The following OR2F1 variants were observed in gnomAD, a reference collection of about 807,000 sequenced individuals.
The protein encoded by OR2F1 is olfactory receptor family 2 subfamily F member 1, also known as olfactory receptor 2F1.
For missense variants in OR2F1, 389 were observed against 378.2 expected, an observed-to-expected ratio of 1.03 and a Z score of -0.24; for synonymous variants, 146 against 155.3, an observed-to-expected ratio of 0.94 and a Z score of 0.44.
Position 143,962,087 on chromosome 7 carries a change from T to C in OR2F1, c.*1163T>C, listed in dbSNP as rs1227606507. The C allele has an allele frequency of 1.3e-5, 2 of 151,872 alleles. No individual in the cohort carries two copies. The highest frequency in any genetic ancestry group is 2.9e-5 in the Non-Finnish European group (2 of 68,034). The allele number at this position is 151,872 out of a possible 1,614,324, so 9.4% of individuals were successfully genotyped here. On this transcript the variant is annotated 3_prime_UTR_variant, in exon 3 of 3. Coordinates refer to ENST00000641412, the MANE Select transcript of OR2F1 (RefSeq NM_012369.3). ...AAAAGTGGAAAGAAAAGAAAGAATA[T>C]GATCATAGCTGCTCTTCCTACTCCC...
At chr7:143,957,132 T>C (rs2050291651) in intron 1 of OR2F1, among the ~76,000 whole-genome samples, 1 of 152,130 alleles carries the variant, frequency 6.6e-6, no homozygotes, top group Admixed American at 6.5e-5. Flanking sequence ...ATAGAGTTGA[T>C]AGTAATTATT....
intron 1 of OR2F1, 105 bp downstream of exon 1, chr7:143,955,208 C>T (rs1421115398): frequency 2.6e-5 from 4 of 152,024 alleles, no homozygotes; most frequent in African/African-American, 9.7e-5. Flanking sequence ...TGATGTGATG[C>T]ATATATTAAT....
rs2050340862 is a variant in OR2F1, at chr7:143,962,920, G to T, written c.*1996G>T. ...AGGCAAGATGACCAGCCTGTCTGCTGGGTCTGCTTCAGTAATACTCTTGAG... is the reference window on the plus strand; with the variant it reads ...AGGCAAGATGACCAGCCTGTCTGCTTGGTCTGCTTCAGTAATACTCTTGAG... On this transcript the variant is annotated 3_prime_UTR_variant, in exon 3 of 3. Transcript: ENST00000641412. The T allele has an allele frequency of 6.6e-6, 1 of 152,202 alleles. No homozygotes were observed. The highest frequency in any genetic ancestry group is 1.5e-5 in the Non-Finnish European group (1 of 68,038). The allele number at this position is 152,202 out of a possible 1,614,324, so 9.4% of individuals were successfully genotyped here. A position where few individuals can be genotyped will look rare whatever the true frequency, so the allele number is the denominator to read the frequency against.
At position 143,964,051 on chromosome 7, in the gene OR2F1, A is replaced by G. The variant is rs965672326; in HGVS notation, c.*3127A>G. On this transcript the variant is annotated 3_prime_UTR_variant, in exon 3 of 3. Coordinates refer to ENST00000641412, the MANE Select transcript of OR2F1 (RefSeq NM_012369.3). ...TTTCAATTTTTATCTTTTTTATTTGATAGAGTTTTTAATTTCAAGGCTGCA... is the reference window on the plus strand; with the variant it reads ...TTTCAATTTTTATCTTTTTTATTTGGTAGAGTTTTTAATTTCAAGGCTGCA... 6.6e-6 allele frequency: 1 copy of G among 152,028 alleles called. No homozygotes were observed. Among genetic ancestry groups the G allele is most frequent in the Non-Finnish European group, 1.5e-5 (1 of 67,994 alleles). 9.4% of individuals were successfully genotyped at this position (152,028 alleles called of 1,614,324 possible).
chr7:143,956,518 C>A (rs2050287014), intron 1 of OR2F1, among the ~76,000 whole-genome samples: 1 of 151,776 alleles, frequency 6.6e-6, no homozygotes, highest in Non-Finnish European at 1.5e-5. Context: ...TATTAGCAGC[C>A]TATTTTAATA....
rs151290722 is a variant in OR2F1, at chr7:143,955,806, A to G, written c.-180+703A>G. ...AAAATTGATTTGATGTTTGTTGAGT[A>G]TGAAGATGATATAACTCTAAGAATG... On this transcript the variant is annotated intron_variant, in intron 1 of 2. Coordinates refer to ENST00000641412, the MANE Select transcript of OR2F1 (RefSeq NM_012369.3). Among the ~76,000 whole-genome samples the G allele has an allele frequency of 2.0e-4, 30 of 152,328 alleles. No individual in the cohort carries two copies. In the East Asian group the frequency reaches 3.1e-3, roughly 16 times the overall value.
At chr7:143,957,942 CTGAGA>C (rs2050296302) in intron 1 of OR2F1, among the ~76,000 whole-genome samples, 1 of 152,132 alleles carries the variant, frequency 6.6e-6, no homozygotes, top group Non-Finnish European at 1.5e-5. Flanking sequence ...CACACTTTCT[CTGAGA>C]TGAGACACTG....
At position 143,961,906 on chromosome 7, in the gene OR2F1, T is replaced by C. The variant is rs1361427824; in HGVS notation, c.*982T>C. ...CAAATGTTACCCTCAAGTCTTCACATTGAGAACTTCTCTTGCCACCTCCGT... is the reference window on the plus strand; with the variant it reads ...CAAATGTTACCCTCAAGTCTTCACACTGAGAACTTCTCTTGCCACCTCCGT... On this transcript the variant is annotated 3_prime_UTR_variant, in exon 3 of 3. Coordinates refer to ENST00000641412, the MANE Select transcript of OR2F1 (RefSeq NM_012369.3). The C allele has an allele frequency of 1.3e-5, 2 of 152,206 alleles. No individual in the cohort carries two copies. The highest frequency in any genetic ancestry group is 2.1e-4 in the South Asian group (1 of 4,826). 9.4% of individuals were successfully genotyped at this position (152,206 alleles called of 1,614,324 possible). A position where few individuals can be genotyped will look rare whatever the true frequency, so the allele number is the denominator to read the frequency against.
In OR2F1 at chr7:143,963,532, T is replaced by C. The variant is rs2050347210; in HGVS notation, c.*2608T>C. On this transcript the variant is annotated 3_prime_UTR_variant, in exon 3 of 3. Coordinates refer to ENST00000641412, the MANE Select transcript of OR2F1 (RefSeq NM_012369.3). ...ATGAAAAGGAGTTTATTAAGGAGTA[T>C]TGACTCACACGATCAAAAGGTAAAG... 6.6e-6 allele frequency: 1 copy of C among 152,234 alleles called. No homozygotes were observed. The highest frequency in any genetic ancestry group is 2.4e-5 in the African/African-American group (1 of 41,452). 9.4% of individuals were successfully genotyped at this position (152,234 alleles called of 1,614,324 possible).
rs61731392 is a variant in OR2F1 at position 143,960,139 on chromosome 7, A to G, written c.169A>G (p.Thr57Ala). ...GATCAGACTGGACAGCCGACTCCACACTCCCATGTATTTCTTTCTCACCAA... is the reference window on the plus strand; with the variant it reads ...GATCAGACTGGACAGCCGACTCCACGCTCCCATGTATTTCTTTCTCACCAA... ...LLIRLDSRLH[T>A]PMYFFLTNLS... Residue 57 changes from threonine to alanine, a missense_variant, in exon 3 of 3, where the codon ACT becomes GCT. Thr to Ala is a moderately conservative substitution (Grantham distance 58, BLOSUM62 0). Transcript: ENST00000641412. The G allele has an allele frequency of 9.3e-3, 15,041 of 1,613,568 alleles. 962 individuals are homozygous for G. The African/African-American group carries it at 0.15, about 16-fold the overall frequency.
rs2050274718 is a variant in OR2F1 at position 143,955,064 on chromosome 7, A to G, written c.-219A>G. ...TAACTAATAATTACTGGATAAACAG[A>G]GAAGACACATGGAGGATATTTTACC... On this transcript the variant is annotated 5_prime_UTR_variant, in exon 1 of 3. Transcript: ENST00000641412. 1 of 152,162 alleles carries G rather than the reference A, an allele frequency of 6.6e-6. No homozygotes were observed. The highest frequency in any genetic ancestry group is 1.5e-5 in the Non-Finnish European group (1 of 68,002). The allele number at this position is 152,162 out of a possible 1,614,324, so 9.4% of individuals were successfully genotyped here.
chr7:143,956,633 G>A (rs944090429), intron 1 of OR2F1, among the ~76,000 whole-genome samples: 7 of 152,140 alleles, frequency 4.6e-5, no homozygotes, highest in Non-Finnish European at 7.4e-5. Context: ...AAAGTATTCT[G>A]CCCAGGATAA....
intron 1 of OR2F1, among the ~76,000 whole-genome samples, chr7:143,958,010 G>A (rs1238610959): frequency 6.6e-6 from 1 of 152,180 alleles, no homozygotes; most frequent in Non-Finnish European, 1.5e-5. Context: ...TTGGGTGGCT[G>A]AGAGGAGCAC....
rs970033389 is a variant in OR2F1 at position 143,961,960 on chromosome 7, C to G, written c.*1036C>G. 1 of 152,156 alleles carries G rather than the reference C, an allele frequency of 6.6e-6. No homozygotes were observed. Among genetic ancestry groups the G allele is most frequent in the Non-Finnish European group, 1.5e-5 (1 of 68,026 alleles). 9.4% of individuals were successfully genotyped at this position (152,156 alleles called of 1,614,324 possible). A position where few individuals can be genotyped will look rare whatever the true frequency, so the allele number is the denominator to read the frequency against. ...CGTCACCTTCACACACACAACAGAG[C>G]CATAGGTGAATTTTTGTAAATCTTG... On this transcript the variant is annotated 3_prime_UTR_variant, in exon 3 of 3. Transcript: ENST00000641412.
In OR2F1 at chr7:143,959,933, TGACTCCC is replaced by T; in HGVS notation, c.-23-14_-23-8del. ...TTATTCAACAGCTTCTGTTTTTTTC[TGACTCCC>T]TTCACAGATTAATAATCCTTGAATA... On this transcript the variant is annotated splice_polypyrimidine_tract_variant and splice_region_variant and intron_variant, in intron 2 of 2. Transcript: ENST00000641412. 2.0e-6 allele frequency: 3 copies of T among 1,472,938 alleles called. No homozygotes were observed. Among genetic ancestry groups the T allele is most frequent in the Admixed American group, 4.1e-5 (2 of 48,790 alleles). The allele number at this position is 1,472,938 out of a possible 1,614,324, so 91.2% of individuals were successfully genotyped here.
chr7:143,958,417 G>C (rs1215697513), intron 1 of OR2F1, among the ~76,000 whole-genome samples: 4 of 152,164 alleles, frequency 2.6e-5, no homozygotes, highest in Non-Finnish European at 5.9e-5. Context: ...TGTTGGAGAA[G>C]GAAGGTCTTG....
chr7:143,957,788 A>C (rs906072995), intron 1 of OR2F1, among the ~76,000 whole-genome samples: 1 of 152,162 alleles, frequency 6.6e-6, no homozygotes, highest in Non-Finnish European at 1.5e-5. Context: ...TAATTTCATC[A>C]AGGACCCTTC....
chr7:143,961,277 A>C lies in OR2F1; in HGVS notation c.*353A>C, dbSNP rs1378645600. 1 of 200,598 alleles carries C rather than the reference A, an allele frequency of 5.0e-6. No individual in the cohort carries two copies. The highest frequency in any genetic ancestry group is 2.3e-5 in the African/African-American group (1 of 43,180). 12.4% of individuals were successfully genotyped at this position (200,598 alleles called of 1,614,324 possible). ...ATCTTACCTTGGACCACTGGTACTT[A>C]CACATCCACATTTTATAAAAGGTTA... On this transcript the variant is annotated 3_prime_UTR_variant, in exon 3 of 3. Transcript: ENST00000641412.
chr7:143,963,586 G>T lies in OR2F1; in HGVS notation c.*2662G>T. ...CACAATAGGCCTTCTGTAAGCTGAG[G>T]AGCACAGAAGCCAGTTGGAGTTCCA... On this transcript the variant is annotated 3_prime_UTR_variant, in exon 3 of 3. Coordinates refer to ENST00000641412, the MANE Select transcript of OR2F1 (RefSeq NM_012369.3). 2 of 152,738 alleles carry T rather than the reference G, an allele frequency of 1.3e-5. No individual in the cohort carries two copies. Among genetic ancestry groups the T allele is most frequent in the South Asian group, 3.8e-4 (2 of 5,238 alleles). The allele number at this position is 152,738 out of a possible 1,614,324, so 9.5% of individuals were successfully genotyped here.
Sources: allele counts gnomAD v4.1 joint callset (sites outside exome capture counted in the v4.1 genomes callset), GRCh38; gene constraint gnomAD v4.1.1; transcripts MANE v1.5; gene names NCBI Gene and HGNC (gene_info 2026-07-23, HGNC 2026-07-21).